CLDN16: variants seen among roughly 807,000 people sequenced by gnomAD.
The protein encoded by CLDN16 is claudin 16.
In CLDN16, 13 loss-of-function variants were observed where a neutral mutation model predicts 24.6. That is an observed-to-expected ratio of 0.53 (90% CI 0.34 to 0.84). CLDN16 has a LOEUF of 0.84. Ranked by LOEUF, CLDN16 falls within the 40% of genes least tolerant of loss-of-function variation. CLDN16 has a pLI of 0.01. For missense variants in CLDN16, 298 were observed against 292.7 expected, an observed-to-expected ratio of 1.02 and a Z score of -0.13; for synonymous variants, 116 against 106.7, an observed-to-expected ratio of 1.09 and a Z score of -0.54.
At chr3:190,389,099 G>T (rs1475430394) in intron 1 of CLDN16, among the ~76,000 whole-genome samples, 1 of 152,100 alleles carries the variant, frequency 6.6e-6, no homozygotes, top group Non-Finnish European at 1.5e-5. Context: ...TGAGTGAGTG[G>T]GTTCACATTT....
intron 2 of CLDN16, among the ~76,000 whole-genome samples, chr3:190,403,084 T>C (rs1389832880): frequency 6.6e-6 from 1 of 152,136 alleles, no homozygotes; most frequent in Non-Finnish European, 1.5e-5. Flanking sequence ...TCCTAGCACT[T>C]TGGGAGGCCA....
At chr3:190,308,022 TATG>T in the CLDN16 span, 1 of 426,020 alleles carries the variant, frequency 2.3e-6, no homozygotes, top group Non-Finnish European at 4.3e-6. Flanking sequence ...CCCAGTTGAG[TATG>T]ATTACTCAAT....
chr3:190,360,296 T>C (rs1468203605), intron 1 of CLDN16, among the ~76,000 whole-genome samples: 1 of 151,872 alleles, frequency 6.6e-6, no homozygotes, highest in Non-Finnish European at 1.5e-5. Context: ...CTTCTTTTAT[T>C]GAGAGGAGGC....
chr3:190,308,187 C>T, the CLDN16 span: 12 of 1,481,026 alleles, frequency 8.1e-6, no homozygotes, highest in Admixed American at 5.0e-5. Flanking sequence ...GATTACAATA[C>T]CCAAAATTCT....
At chr3:190,314,323 C>A in the CLDN16 span, among the ~76,000 whole-genome samples, 1 of 152,172 alleles carries the variant, frequency 6.6e-6, no homozygotes, top group Admixed American at 6.5e-5. Context: ...TCTAAAACTT[C>A]ATTAAATCTT....
the CLDN16 span, among the ~76,000 whole-genome samples, chr3:190,302,380 AT>A: frequency 6.6e-6 from 1 of 152,184 alleles, no homozygotes. Flanking sequence ...GAAGAAAGGA[AT>A]TTTTGTCTAT....
intron 1 of CLDN16, among the ~76,000 whole-genome samples, chr3:190,350,946 C>T (rs1353386224): frequency 1.3e-5 from 2 of 152,084 alleles, no homozygotes; most frequent in South Asian, 2.1e-4. Context: ...AGGTGTGTCT[C>T]CGCCAAATTT....
At chr3:190,371,039 T>TATATAA (rs1162902114) in intron 2 of CLDN16, 177 of 2,980 alleles carry the variant, frequency 0.059, 1 homozygote, top group African/African-American at 0.12. Flanking sequence ...TATATATATA[T>TATATAA]AAAATATATA....
chr3:190,309,859 G>T, the CLDN16 span, among the ~76,000 whole-genome samples: 1 of 152,070 alleles, frequency 6.6e-6, no homozygotes, highest in African/African-American at 2.4e-5. Flanking sequence ...CTTCAAAAAG[G>T]AAATTTCAAA....
intron 1 of CLDN16, among the ~76,000 whole-genome samples, chr3:190,360,017 G>A (rs1717854288): frequency 6.6e-6 from 1 of 151,972 alleles, no homozygotes; most frequent in African/African-American, 2.4e-5. Flanking sequence ...TTGAAGCTAT[G>A]TTGGGTTGGG....
At chr3:190,295,399 G>A in the CLDN16 span, among the ~76,000 whole-genome samples, 2 of 152,262 alleles carry the variant, frequency 1.3e-5, no homozygotes, top group East Asian at 1.9e-4. Flanking sequence ...TGGACAGAAA[G>A]GATTAATCCT....
chr3:190,336,076 TGTTA>T (rs1322362143), intron 1 of CLDN16, among the ~76,000 whole-genome samples: 1 of 151,994 alleles, frequency 6.6e-6, no homozygotes, highest in Non-Finnish European at 1.5e-5. Context: ...TGGAATTTGG[TGTTA>T]GTTGTTGTGT....
chr3:190,328,151 T>C (rs1277505543), intron 1 of CLDN16, among the ~76,000 whole-genome samples: 1 of 150,878 alleles, frequency 6.6e-6, no homozygotes, highest in Non-Finnish European at 1.5e-5. Context: ...ATGGGTGGCA[T>C]GCACCTATAG....
the CLDN16 span, chr3:190,310,383 A>G: frequency 1.5e-6 from 1 of 666,878 alleles, no homozygotes; most frequent in Non-Finnish European, 2.6e-6. Context: ...TTATTTTGGT[A>G]TTAGGGAGAT....
intron 1 of CLDN16, among the ~76,000 whole-genome samples, chr3:190,338,353 T>C (rs1345713746): frequency 6.6e-6 from 1 of 152,174 alleles, no homozygotes; most frequent in Non-Finnish European, 1.5e-5. Context: ...TACACTAGGA[T>C]ATTTGAATGT....
At chr3:190,334,420 G>C (rs1464254370) in intron 1 of CLDN16, among the ~76,000 whole-genome samples, 1 of 152,222 alleles carries the variant, frequency 6.6e-6, no homozygotes, top group Non-Finnish European at 1.5e-5. Context: ...GGCCCACTAT[G>C]CTAAAGACTT....
At chr3:190,299,942 A>G in the CLDN16 span, among the ~76,000 whole-genome samples, 1 of 152,224 alleles carries the variant, frequency 6.6e-6, no homozygotes, top group African/African-American at 2.4e-5. Flanking sequence ...CAAAATAACC[A>G]TGAGAACGGA....
At chr3:190,334,614 A>C (rs1717257501) in intron 1 of CLDN16, among the ~76,000 whole-genome samples, 1 of 152,366 alleles carries the variant, frequency 6.6e-6, no homozygotes, top group Non-Finnish European at 1.5e-5. Context: ...GCCAAAGAGA[A>C]GCACCTTTAG....
At chr3:190,407,006 C>T (rs1376668471) in intron 3 of CLDN16, among the ~76,000 whole-genome samples, 3 of 152,188 alleles carry the variant, frequency 2.0e-5, no homozygotes, top group South Asian at 4.1e-4. Context: ...CCCCAAAGCG[C>T]TGGGATTACA....
Sources: allele counts gnomAD v4.1 joint callset (sites outside exome capture counted in the v4.1 genomes callset), GRCh38; gene constraint gnomAD v4.1.1; transcripts MANE v1.5; gene names NCBI Gene and HGNC (gene_info 2026-07-23, HGNC 2026-07-21).